LRRTM4: variants seen among roughly 807,000 people sequenced by gnomAD.
The protein encoded by LRRTM4 is leucine rich repeat transmembrane neuronal 4.
In LRRTM4, 25 loss-of-function variants were observed where a neutral mutation model predicts 47.6. The observed-to-expected ratio is 0.53, with a 90% CI of 0.38 to 0.73. LRRTM4 has a LOEUF of 0.73. Ranked by LOEUF, LRRTM4 falls within the 30% of genes least tolerant of loss-of-function variation. LRRTM4 has a pLI of 0.00. For synonymous variants in LRRTM4, 311 were observed against 269.5 expected (o/e 1.15, Z -1.51); for missense variants, 638 against 713.4 (o/e 0.89, Z 1.20).
chr2:77,475,290 AAATTTT>A (rs1307756418), intron 3 of LRRTM4, among the ~76,000 whole-genome samples: 1 of 152,094 alleles, frequency 6.6e-6, no homozygotes, highest in Non-Finnish European at 1.5e-5. Flanking sequence ...TGATAAATTT[AAATTTT>A]AAGTTTAGGG....
chr2:76,974,181 T>TAC (rs1451068385), intron 3 of LRRTM4, among the ~76,000 whole-genome samples: 8 of 112,910 alleles, frequency 7.1e-5, no homozygotes, highest in East Asian at 2.8e-4. Context: ...TACATATATA[T>TAC]ACATACATAT....
chr2:76,991,327 A>G (rs1677001782), intron 3 of LRRTM4, among the ~76,000 whole-genome samples: 1 of 151,862 alleles, frequency 6.6e-6, no homozygotes, highest in South Asian at 2.1e-4. Context: ...GAGACTCAAA[A>G]ATTCATACAA....
At chr2:77,273,578 G>C (rs543485244) in intron 3 of LRRTM4, among the ~76,000 whole-genome samples, 1 of 152,216 alleles carries the variant, frequency 6.6e-6, no homozygotes, top group Non-Finnish European at 1.5e-5. Flanking sequence ...AAGACAAACA[G>C]GAATTTCAGA....
At chr2:76,880,512 T>C (rs1161127563) in intron 3 of LRRTM4, among the ~76,000 whole-genome samples, 2 of 152,124 alleles carry the variant, frequency 1.3e-5, no homozygotes, top group Non-Finnish European at 2.9e-5. Context: ...AACTTTTACA[T>C]GAACTAGGAA....
chr2:76,859,584 GA>G (rs1192751842), intron 3 of LRRTM4, among the ~76,000 whole-genome samples: 1 of 152,012 alleles, frequency 6.6e-6, no homozygotes, highest in African/African-American at 2.4e-5. Context: ...CCTAACCTAT[GA>G]CAGTATGTGA....
chr2:77,322,324 T>C (rs957041448), intron 3 of LRRTM4, among the ~76,000 whole-genome samples: 3 of 152,138 alleles, frequency 2.0e-5, no homozygotes, highest in African/African-American at 7.2e-5. Context: ...GTGATCCAAA[T>C]ATATCTCTTT....
chr2:77,246,265 C>T (rs989609867), intron 3 of LRRTM4, among the ~76,000 whole-genome samples: 1 of 152,106 alleles, frequency 6.6e-6, no homozygotes, highest in Admixed American at 6.5e-5. Context: ...TCTGCTTCCC[C>T]ATAAATTGGG....
At chr2:76,893,498 T>A (rs1230131232) in intron 3 of LRRTM4, among the ~76,000 whole-genome samples, 1 of 151,754 alleles carries the variant, frequency 6.6e-6, no homozygotes, top group African/African-American at 2.4e-5. Flanking sequence ...TTATTTCTGG[T>A]ACAGATAATT....
chr2:77,295,951 C>G (rs1454874213), intron 3 of LRRTM4, among the ~76,000 whole-genome samples: 1 of 152,194 alleles, frequency 6.6e-6, no homozygotes, highest in African/African-American at 2.4e-5. Context: ...CCATGACAAT[C>G]ATTTGATTTG....
At chr2:77,263,104 C>A (rs1184930507) in intron 3 of LRRTM4, among the ~76,000 whole-genome samples, 1 of 152,028 alleles carries the variant, frequency 6.6e-6, no homozygotes, top group Non-Finnish European at 1.5e-5. Context: ...ATGATTTAAT[C>A]AATCATACCT....
At chr2:77,214,761 T>G (rs1488550898) in intron 3 of LRRTM4, among the ~76,000 whole-genome samples, 1 of 151,848 alleles carries the variant, frequency 6.6e-6, no homozygotes, top group African/African-American at 2.4e-5. Context: ...ATCTGTTAAC[T>G]CGTCTCTGAA....
At chr2:77,054,139 G>A (rs1043950416) in intron 3 of LRRTM4, among the ~76,000 whole-genome samples, 3 of 150,258 alleles carry the variant, frequency 2.0e-5, no homozygotes, top group East Asian at 1.9e-4. Flanking sequence ...CAATCTCAAG[G>A]AGTTGTTCTG....
At chr2:77,445,266 C>T (rs1676007417) in intron 3 of LRRTM4, among the ~76,000 whole-genome samples, 1 of 151,638 alleles carries the variant, frequency 6.6e-6, no homozygotes, top group Non-Finnish European at 1.5e-5. Flanking sequence ...ACTTACCTCC[C>T]AGAGTTGTAG....
intron 3 of LRRTM4, among the ~76,000 whole-genome samples, chr2:77,399,852 C>T (rs367897056): frequency 4.3e-4 from 65 of 151,968 alleles, no homozygotes; most frequent in African/African-American, 1.5e-3. Flanking sequence ...ATTGGGAAAT[C>T]TTTTTGCTCC....
intron 3 of LRRTM4, among the ~76,000 whole-genome samples, chr2:77,181,979 T>C (rs187380894): frequency 6.6e-6 from 1 of 152,244 alleles, no homozygotes; most frequent in East Asian, 1.9e-4. Flanking sequence ...GGTGGCAATG[T>C]AAATTAGTTC....
chr2:76,784,466 A>G (rs550154725), intron 3 of LRRTM4, among the ~76,000 whole-genome samples: 1 of 152,150 alleles, frequency 6.6e-6, no homozygotes, highest in South Asian at 2.1e-4. Flanking sequence ...ACATAGATAT[A>G]TTATACATAG....
intron 3 of LRRTM4, among the ~76,000 whole-genome samples, chr2:77,191,469 A>C (rs1673667889): frequency 1.3e-5 from 2 of 151,950 alleles, no homozygotes; most frequent in Admixed American, 1.3e-4. Flanking sequence ...GTAGAAGGCA[A>C]TATAAAAGTG....
intron 3 of LRRTM4, among the ~76,000 whole-genome samples, chr2:77,295,787 C>T (rs944579001): frequency 3.3e-5 from 5 of 151,772 alleles, no homozygotes; most frequent in African/African-American, 7.3e-5. Context: ...TAAAAGGACA[C>T]CAATCATATT....
rs1048390820 is a variant in LRRTM4 at position 76,807,188 on chromosome 2, G to T, written c.1552-58272C>A. 2.0e-5 allele frequency among the ~76,000 whole-genome samples: 3 copies of T among 151,460 alleles called. No homozygotes were observed. The East Asian group carries it at 5.8e-4, about 29-fold the overall frequency. On this transcript the variant is annotated intron_variant, in intron 3 of 3. Coordinates refer to ENST00000409884, the MANE Select transcript of LRRTM4 (RefSeq NM_001134745.3). ...ATGGAATTGATTCAAAGAAAATAAT[G>T]AACACTGTTTGACTATGGGAATAGT...
Sources: gnomAD v4.1 joint callset for allele counts (sites outside exome capture counted in the v4.1 genomes callset) on GRCh38, gnomAD v4.1.1 for gene constraint, MANE v1.5 for transcripts, NCBI Gene and HGNC (gene_info 2026-07-23, HGNC 2026-07-21) for gene names.